KCNQ5: variants seen among roughly 807,000 people sequenced by gnomAD.
The protein encoded by KCNQ5 is potassium voltage-gated channel subfamily KQT member 5.
KCNQ5 carries 30 observed loss-of-function variants against 98.2 expected under a neutral mutation model. The observed-to-expected ratio is 0.31, with a 90% CI of 0.23 to 0.41. The LOEUF (loss-of-function observed/expected upper bound fraction) is 0.41, where lower values mean the gene tolerates loss of function less well. KCNQ5 is among the 10% of genes least tolerant of loss of function. The pLI is 1.00. For synonymous variants in KCNQ5, 458 were observed against 449.4 expected (o/e 1.02, Z -0.24); for missense variants, 835 against 1,182.5 (o/e 0.71, Z 4.31).
Position 73,192,675 on chromosome 6 carries a change from T to C in KCNQ5, c.1820T>C (p.Val607Ala). The C allele has an allele frequency of 6.3e-7, 1 of 1,591,294 alleles. No individual in the cohort carries two copies. The highest frequency in any genetic ancestry group is 8.5e-7 in the Non-Finnish European group (1 of 1,169,708). Residue 607 changes from valine to alanine, a missense_variant, in exon 13 of 14, where the codon GTC becomes GCC. Physicochemically the swap from Val to Ala is moderately conservative, Grantham distance 64 (BLOSUM62 0). Coordinates refer to ENST00000370398, the MANE Select transcript of KCNQ5 (RefSeq NM_019842.4). ...GATCTCAGTATGCTCGGTCGGGTGGTCAAGGTTGAAAAACAGGTACAACTC... is the reference window on the plus strand; with the variant it reads ...GATCTCAGTATGCTCGGTCGGGTGGCCAAGGTTGAAAAACAGGTACAACTC... ...TDDLSMLGRVVKVEKQVQSIE... is the reference protein window; with the variant it reads ...TDDLSMLGRVAKVEKQVQSIE...
chr6:72,838,945 G>A (rs1210088362), intron 1 of KCNQ5, among the ~76,000 whole-genome samples: 3 of 41,828 alleles, frequency 7.2e-5, no homozygotes, highest in African/African-American at 2.8e-4. Context: ...GCGAGACTCC[G>A]TCTCAAAAAA....
intron 5 of KCNQ5, among the ~76,000 whole-genome samples, chr6:73,083,513 A>G (rs72949110): frequency 6.6e-6 from 1 of 152,350 alleles, no homozygotes; most frequent in Non-Finnish European, 1.5e-5. Context: ...CATTAAAATT[A>G]AGGAAAATAA....
At chr6:72,652,331 G>T (rs1765919526) in intron 1 of KCNQ5, among the ~76,000 whole-genome samples, 1 of 151,106 alleles carries the variant, frequency 6.6e-6, no homozygotes, top group East Asian at 2.0e-4. Context: ...TTTTAATTAT[G>T]TGCTTCCTTA....
chr6:73,177,667 T>C (rs1027263304), intron 11 of KCNQ5, among the ~76,000 whole-genome samples: 4 of 152,248 alleles, frequency 2.6e-5, no homozygotes, highest in African/African-American at 9.6e-5. Context: ...CACCAGTTCT[T>C]AATTTTGCTG....
intron 1 of KCNQ5, among the ~76,000 whole-genome samples, chr6:72,879,186 T>C (rs1022885062): frequency 5.9e-5 from 9 of 152,178 alleles, no homozygotes; most frequent in Non-Finnish European, 2.9e-5. Flanking sequence ...TTACTAGATA[T>C]TGACAAATCA....
chr6:72,916,686 A>C (rs1244404101), intron 1 of KCNQ5, among the ~76,000 whole-genome samples: 1 of 152,196 alleles, frequency 6.6e-6, no homozygotes. Context: ...CTTCCCTTTC[A>C]TATCTCATTG....
chr6:72,720,743 C>T (rs1343234404), intron 1 of KCNQ5, among the ~76,000 whole-genome samples: 1 of 152,194 alleles, frequency 6.6e-6, no homozygotes, highest in Admixed American at 6.5e-5. Context: ...TTCTTATTTT[C>T]AGTCTGAGAA....
In KCNQ5 at chr6:73,108,613, T is replaced by C. The variant is rs553059752; in HGVS notation, c.1030-2695T>C. Among the ~76,000 whole-genome samples, 194 of 152,192 alleles carry C rather than the reference T, an allele frequency of 1.3e-3. 1 individual carries two copies. Among genetic ancestry groups the C allele is most frequent in the Non-Finnish European group, 2.3e-3 (155 of 68,014 alleles). On this transcript the variant is annotated intron_variant, in intron 6 of 13. Transcript: ENST00000370398. ...AGGCCGAGGCGGTCGGATCACAAGG[T>C]GAGGAGATCGAGACCATCCTGCCTA...
intron 5 of KCNQ5, among the ~76,000 whole-genome samples, chr6:73,104,413 C>T (rs1370426691): frequency 1.3e-5 from 2 of 152,140 alleles, no homozygotes; most frequent in East Asian, 1.9e-4. Context: ...GACCTGTACA[C>T]AGTAGTCTAT....
chr6:73,024,856 T>C (rs1323900493), intron 2 of KCNQ5, among the ~76,000 whole-genome samples: 1 of 152,230 alleles, frequency 6.6e-6, no homozygotes, highest in Non-Finnish European at 1.5e-5. Flanking sequence ...GCATTCTGCA[T>C]GACAATAGTC....
intron 1 of KCNQ5, chr6:72,640,704 G>A (rs994379801): frequency 2.0e-5 from 3 of 152,132 alleles, no homozygotes; most frequent in African/African-American, 7.2e-5. Context: ...AAGGACCTTT[G>A]GTGACCAACT....
intron 1 of KCNQ5, among the ~76,000 whole-genome samples, chr6:72,989,637 C>T (rs1207616356): frequency 7.8e-3 from 2 of 258 alleles, no homozygotes; most frequent in Non-Finnish European, 0.013. Flanking sequence ...GTTTCTTTTG[C>T]TGTGCAGAAG....
intron 5 of KCNQ5, among the ~76,000 whole-genome samples, chr6:73,087,965 T>C (rs1774058203): frequency 6.6e-6 from 1 of 152,032 alleles, no homozygotes; most frequent in South Asian, 2.1e-4. Context: ...ATCTCCACCA[T>C]ATTCAGTCTC....
chr6:73,182,880 T>C lies in KCNQ5; in HGVS notation c.1578-7693T>C, dbSNP rs186718211. Among the ~76,000 whole-genome samples, 71 of 152,150 alleles carry C rather than the reference T, an allele frequency of 4.7e-4. 3 individuals are homozygous for C. The highest frequency in any genetic ancestry group is 1.7e-3 in the African/African-American group (69 of 41,496). On this transcript the variant is annotated intron_variant, in intron 11 of 13. Coordinates refer to ENST00000370398, the MANE Select transcript of KCNQ5 (RefSeq NM_019842.4). Reference sequence around the variant, plus strand: ...GAGACTGATGTATATATCCTACAAATGAGGTAAAGTAAGCAGACAGCCCCT... The same window carrying C: ...GAGACTGATGTATATATCCTACAAACGAGGTAAAGTAAGCAGACAGCCCCT...
intron 11 of KCNQ5, among the ~76,000 whole-genome samples, chr6:73,171,510 C>T (rs967588884): frequency 6.6e-6 from 1 of 152,220 alleles, no homozygotes; most frequent in Non-Finnish European, 1.5e-5. Flanking sequence ...TAGAACTGCA[C>T]TGTCCAATAT....
At chr6:73,184,427 C>G (rs1202635706) in intron 11 of KCNQ5, among the ~76,000 whole-genome samples, 1 of 152,206 alleles carries the variant, frequency 6.6e-6, no homozygotes, top group Non-Finnish European at 1.5e-5. Context: ...GCCTGAAGAA[C>G]TTCAATCTAT....
intron 1 of KCNQ5, among the ~76,000 whole-genome samples, chr6:72,655,033 T>TTTCC (rs1766089739): frequency 3.0e-5 from 2 of 66,214 alleles, no homozygotes; most frequent in South Asian, 1.1e-3. Flanking sequence ...TCTGTCTTTC[T>TTTCC]TTCTTTCTTT....
At chr6:72,623,386 CAAAG>C (rs1208943270) in intron 1 of KCNQ5, among the ~76,000 whole-genome samples, 1 of 47,122 alleles carries the variant, frequency 2.1e-5, no homozygotes, top group Non-Finnish European at 4.0e-5. Flanking sequence ...GGCGCGGAGT[CAAAG>C]AGTGTGTGTG....
chr6:72,794,088 C>A (rs1290708002), intron 1 of KCNQ5, among the ~76,000 whole-genome samples: 36 of 152,130 alleles, frequency 2.4e-4, no homozygotes, highest in Non-Finnish European at 4.4e-5. Context: ...TCATAAAATT[C>A]GAAGAAAATC....
Sources: allele counts gnomAD v4.1 joint callset (sites outside exome capture counted in the v4.1 genomes callset), GRCh38; gene constraint gnomAD v4.1.1; transcripts MANE v1.5; gene names NCBI Gene and HGNC (gene_info 2026-07-23, HGNC 2026-07-21).